PEX5L: variants seen among roughly 807,000 people sequenced by gnomAD.
PEX5L encodes PEX5-related protein.
In PEX5L, 30 loss-of-function variants were observed where a neutral mutation model predicts 84.0. That is an observed-to-expected ratio of 0.36 (90% confidence interval 0.27 to 0.48). The LOEUF (loss-of-function observed/expected upper bound fraction) is 0.48, where lower values mean the gene tolerates loss of function less well. PEX5L is among the 20% of genes least tolerant of loss of function. PEX5L has a pLI of 0.99. For synonymous variants in PEX5L, 270 were observed against 283.1 expected, an observed-to-expected ratio of 0.95 and a Z score of 0.46; for missense variants, 533 against 754.6, an observed-to-expected ratio of 0.71 and a Z score of 3.44.
chr3:179,966,558 C>G (rs1311254638), intron 2 of PEX5L, among the ~76,000 whole-genome samples: 1 of 152,096 alleles, frequency 6.6e-6, no homozygotes, highest in Admixed American at 6.6e-5. Context: ...GTTGGTAGGA[C>G]TATCTATTAG....
intron 8 of PEX5L, among the ~76,000 whole-genome samples, chr3:179,848,916 T>G (rs555305542): frequency 2.7e-4 from 41 of 152,292 alleles, no homozygotes; most frequent in African/African-American, 9.4e-4. Flanking sequence ...CTCAAGCTCT[T>G]TCTTCCCTGC....
chr3:180,001,586 T>C (rs1380660253), intron 1 of PEX5L, among the ~76,000 whole-genome samples: 1 of 152,062 alleles, frequency 6.6e-6, no homozygotes, highest in South Asian at 2.1e-4. Context: ...AGAGGGTTGA[T>C]AAACAGTGTT....
rs753987367 is a variant in PEX5L, at chr3:180,036,647, C to G, written c.-48G>C. 1 of 1,611,116 alleles carries G rather than the reference C, an allele frequency of 6.2e-7. No individual in the cohort carries two copies. On this transcript the variant is annotated 5_prime_UTR_variant, in exon 1 of 15. Transcript: ENST00000467460. ...TCCCTGAGGCCACCGGATGCTTTTC[C>G]CCCGTGCTTACTTGCCCACCAAAAG...
In PEX5L at chr3:180,014,444, C is replaced by T. The variant is rs1789760732; in HGVS notation, c.21+22135G>A. ...CCAAGATCGCGCCACTGCACTCCAG[C>T]CTGGGTGACAGAGCGAGACTCCGAC... On this transcript the variant is annotated intron_variant, in intron 1 of 14. Coordinates refer to ENST00000467460, the MANE Select transcript of PEX5L (RefSeq NM_016559.3). Among the ~76,000 whole-genome samples the T allele has an allele frequency of 3.3e-5, 5 of 151,346 alleles. No homozygotes were observed. The South Asian group carries it at 8.3e-4, about 25-fold the overall frequency.
intron 1 of PEX5L, among the ~76,000 whole-genome samples, chr3:179,974,789 T>A (rs1422647917): frequency 6.6e-6 from 1 of 152,124 alleles, no homozygotes; most frequent in African/African-American, 2.4e-5. Context: ...TTCCACCATC[T>A]CTCCTTAACC....
chr3:179,966,185 T>C (rs906412645), intron 2 of PEX5L, among the ~76,000 whole-genome samples: 20 of 152,198 alleles, frequency 1.3e-4, no homozygotes, highest in Non-Finnish European at 2.6e-4. Flanking sequence ...TACAACTGCA[T>C]AATGTGCTGT....
intron 8 of PEX5L, among the ~76,000 whole-genome samples, chr3:179,844,645 G>A (rs1188133776): frequency 2.0e-5 from 3 of 152,042 alleles, no homozygotes; most frequent in Admixed American, 1.3e-4. Flanking sequence ...TGGCTAACAC[G>A]GTGAAACCCT....
intron 8 of PEX5L, among the ~76,000 whole-genome samples, chr3:179,840,183 G>GTGTGTGT (rs542803963): frequency 1.4e-4 from 11 of 78,670 alleles, no homozygotes; most frequent in African/African-American, 5.7e-4. Context: ...GTGTGTGTGT[G>GTGTGTGT]TTTTTTTTTT....
At chr3:179,999,140 G>T (rs944209434) in intron 1 of PEX5L, among the ~76,000 whole-genome samples, 2 of 152,188 alleles carry the variant, frequency 1.3e-5, no homozygotes, top group Non-Finnish European at 2.9e-5. Flanking sequence ...TTGGCTGGAT[G>T]GTCAGGCATT....
intron 7 of PEX5L, among the ~76,000 whole-genome samples, chr3:179,861,187 C>T (rs1745998217): frequency 6.6e-6 from 1 of 152,160 alleles, no homozygotes; most frequent in Non-Finnish European, 1.5e-5. Flanking sequence ...GTAGGTGCTC[C>T]ATAAGTAGTC....
At chr3:179,807,936 G>A in intron 13 of PEX5L, 105 bp from the exon 14 acceptor site, 1 of 1,047,332 alleles carries the variant, frequency 9.5e-7, no homozygotes, top group Non-Finnish European at 1.4e-6. Flanking sequence ...AATTTATGCA[G>A]TGCTCATGGA....
chr3:179,917,348 A>T (rs756398000), intron 2 of PEX5L, among the ~76,000 whole-genome samples: 86 of 148,284 alleles, frequency 5.8e-4, no homozygotes, highest in Non-Finnish European at 9.1e-4. Context: ...TTTTTTTTTT[A>T]AAATAAGCTG....
intron 6 of PEX5L, 40 bp downstream of exon 6, chr3:179,875,314 G>A (rs761091835): frequency 6.2e-7 from 1 of 1,605,626 alleles, no homozygotes. Flanking sequence ...TCATAAAGTT[G>A]ATACATAAAT....
chr3:179,851,494 C>A (rs951215658), intron 8 of PEX5L, among the ~76,000 whole-genome samples: 1 of 152,156 alleles, frequency 6.6e-6, no homozygotes, highest in Non-Finnish European at 1.5e-5. Flanking sequence ...GCAAAACATT[C>A]ATACCATAGC....
At chr3:179,900,843 G>C (rs985304051) in intron 2 of PEX5L, 2 of 694,212 alleles carry the variant, frequency 2.9e-6, no homozygotes, top group Non-Finnish European at 5.0e-6. Flanking sequence ...TGTTTTACAA[G>C]TGCGGTACAG....
chr3:179,867,086 G>C (rs1164569081), intron 7 of PEX5L, among the ~76,000 whole-genome samples: 1 of 150,294 alleles, frequency 6.7e-6, no homozygotes, highest in Non-Finnish European at 1.5e-5. Flanking sequence ...ACTGTCCCTT[G>C]TATGTAAAGG....
At chr3:179,822,734 T>C (rs1291048406) in intron 8 of PEX5L, among the ~76,000 whole-genome samples, 2 of 152,270 alleles carry the variant, frequency 1.3e-5, no homozygotes, top group Non-Finnish European at 2.9e-5. Flanking sequence ...GATTGCTGTT[T>C]ATACTCTGTG....
intron 7 of PEX5L, among the ~76,000 whole-genome samples, chr3:179,860,989 A>G (rs142620112): frequency 2.2e-3 from 341 of 152,360 alleles, no homozygotes; most frequent in African/African-American, 7.7e-3. Context: ...ATAGGTGAGG[A>G]GTCAACAACG....
chr3:179,816,719 C>T (rs946374995), intron 9 of PEX5L, among the ~76,000 whole-genome samples: 12 of 151,984 alleles, frequency 7.9e-5, no homozygotes, highest in African/African-American at 2.9e-4. Context: ...ACAGGTATCT[C>T]AGAACTTAAA....
Sources: gnomAD v4.1 joint callset for allele counts (sites outside exome capture counted in the v4.1 genomes callset) on GRCh38, gnomAD v4.1.1 for gene constraint, MANE v1.5 for transcripts, NCBI Gene and HGNC (gene_info 2026-07-23, HGNC 2026-07-21) for gene names.